Variants in PCDHGB1 observed in about 807,000 individuals in gnomAD.
PCDHGB1 encodes the protein protocadherin gamma subfamily B, 1, also known as protocadherin gamma-B1.
Under a neutral mutation model 56.6 loss-of-function variants are expected in PCDHGB1, and 34 were observed. The ratio of observed to expected loss-of-function variants is 0.60; its 90% CI spans 0.46 to 0.80. The LOEUF is 0.80. Ranked by LOEUF, PCDHGB1 falls within the 30% of genes least tolerant of loss-of-function variation. The pLI, the probability that PCDHGB1 is intolerant of heterozygous loss-of-function variation, is 0.00. For missense variants in PCDHGB1, 1,278 were observed against 1,204.6 expected, an observed-to-expected ratio of 1.06 and a Z score of -0.90; for synonymous variants, 561 against 505.9, an observed-to-expected ratio of 1.11 and a Z score of -1.46.
intron 1 of PCDHGB1, chr5:141,393,628 G>A: frequency 6.2e-7 from 1 of 1,613,922 alleles, no homozygotes; most frequent in African/African-American, 1.3e-5. Context: ...CCGGATGAGG[G>A]AATCAACGGA....
intron 1 of PCDHGB1, chr5:141,478,265 G>A: frequency 6.2e-7 from 1 of 1,614,196 alleles, no homozygotes; most frequent in African/African-American, 1.3e-5. Context: ...CATATTCAAA[G>A]TTTACAAGTG....
At chr5:141,390,533 A>G (rs1589127549) in intron 1 of PCDHGB1, 1 of 529,950 alleles carries the variant, frequency 1.9e-6, no homozygotes. Context: ...GTGTGGTTTT[A>G]ACCACAAAGT....
At chr5:141,478,711 T>G (rs1420376406) in intron 1 of PCDHGB1, 1 of 1,547,346 alleles carries the variant, frequency 6.5e-7, no homozygotes. Context: ...CTTTGTGAGA[T>G]GGTGGCCTGC....
chr5:141,427,890 G>T lies in PCDHGB1; in HGVS notation c.2410-66917G>T, dbSNP rs1438515062. 1.9e-6 allele frequency: 3 copies of T among 1,566,844 alleles called. No homozygotes were observed. In the South Asian group the frequency reaches 3.3e-5, roughly 17 times the overall value. Reference sequence around the variant, plus strand: ...GCTCACGATGCAGGCCCACGACCAGGGCTCGCCCGCGCTCAGCGCCAACAT... The same window carrying T: ...GCTCACGATGCAGGCCCACGACCAGTGCTCGCCCGCGCTCAGCGCCAACAT... On this transcript the variant is annotated intron_variant, in intron 1 of 3. Transcript: ENST00000523390.
At chr5:141,384,694 G>A (rs772190655) in intron 1 of PCDHGB1, 1 of 1,614,084 alleles carries the variant, frequency 6.2e-7, no homozygotes, top group Non-Finnish European at 8.5e-7. Context: ...CAAAGATTCA[G>A]GCCAGAACGC....
intron 1 of PCDHGB1, among the ~76,000 whole-genome samples, chr5:141,370,010 TAAC>T (rs1460058955): frequency 6.6e-6 from 1 of 152,172 alleles, no homozygotes; most frequent in African/African-American, 2.4e-5. Context: ...TTAAAAGAAA[TAAC>T]AGACTAAAGA....
At chr5:141,500,250 C>T (rs913074120) in intron 2 of PCDHGB1, among the ~76,000 whole-genome samples, 4 of 149,826 alleles carry the variant, frequency 2.7e-5, no homozygotes, top group African/African-American at 9.9e-5. Flanking sequence ...GCTCTGTCAC[C>T]CAGGCTGGAC....
intron 1 of PCDHGB1, 40 bp downstream of exon 1, chr5:141,352,709 G>C (rs768287553): frequency 1.9e-6 from 3 of 1,543,562 alleles, no homozygotes; most frequent in East Asian, 4.9e-5. Context: ...ATATATGGCG[G>C]CCGGGCGCGG....
chr5:141,458,340 G>C (rs4551132), intron 1 of PCDHGB1, among the ~76,000 whole-genome samples: 42,372 of 151,882 alleles, frequency 0.28, 6,646 homozygotes, highest in African/African-American at 0.43. Context: ...TTTAAGGAGT[G>C]GAGAGTTTAA....
chr5:141,437,371 A>C (rs887976412), intron 1 of PCDHGB1, among the ~76,000 whole-genome samples: 1 of 152,262 alleles, frequency 6.6e-6, no homozygotes, highest in African/African-American at 2.4e-5. Context: ...GAATGTAATC[A>C]GTCAGAAGAC....
At chr5:141,403,414 T>C (rs373392812) in intron 1 of PCDHGB1, 142 of 1,613,926 alleles carry the variant, frequency 8.8e-5, no homozygotes, top group Middle Eastern at 1.6e-4. Context: ...GTTATCCACT[T>C]CCAGAAGCTA....
Position 141,366,291 on chromosome 5 carries a change from T to C in PCDHGB1, c.2409+13622T>C, listed in dbSNP as rs768290200. 15 of 1,613,746 alleles carry C rather than the reference T, an allele frequency of 9.3e-6. No individual in the cohort carries two copies. The South Asian group carries it at 1.5e-4, about 17-fold the overall frequency. ...GTCGAAGACCATGGCCAGCCCCCTC[T>C]GTCAGCCACCTTCACGGTCACCGTT... On this transcript the variant is annotated intron_variant, in intron 1 of 3. Transcript: ENST00000523390.
Position 141,350,657 on chromosome 5 carries a change from A to G in PCDHGB1, c.397A>G (p.Lys133Glu), listed in dbSNP as rs1758532359. Reference sequence around the variant, plus strand: ...TGACAATGCACCACGTTTCGTTGCAAAAGGCATTGACTTAGAAATTTGTGA... The same window carrying G: ...TGACAATGCACCACGTTTCGTTGCAGAAGGCATTGACTTAGAAATTTGTGA... ...INDNAPRFVAKGIDLEICESA... is the reference protein window; with the variant it reads ...INDNAPRFVAEGIDLEICESA... The change falls in exon 1 of 4, where the codon AAA becomes GAA. Residue 133 changes from lysine to glutamate, a missense_variant. Transcript: ENST00000523390. 1 of 1,613,928 alleles carries G rather than the reference A, an allele frequency of 6.2e-7. No homozygotes were observed. The highest frequency in any genetic ancestry group is 1.7e-5 in the Admixed American group (1 of 60,012).
In PCDHGB1 at chr5:141,485,308, A is replaced by G; in HGVS notation, c.2410-9499A>G. On this transcript the variant is annotated intron_variant, in intron 1 of 3. Coordinates refer to ENST00000523390, the MANE Select transcript of PCDHGB1 (RefSeq NM_018922.3). The surrounding 1 kb of genome is among the most constrained non-coding windows in gnomAD (Gnocchi z 5.7). ...AGGAGTCACAGGAAGGGACTTTTGTAGGGAATGTCGCTCAAGATTTCCTGC... is the reference window on the plus strand; with the variant it reads ...AGGAGTCACAGGAAGGGACTTTTGTGGGGAATGTCGCTCAAGATTTCCTGC... 6.2e-7 allele frequency: 1 copy of G among 1,614,112 alleles called. No individual in the cohort carries two copies. The highest frequency in any genetic ancestry group is 8.5e-7 in the Non-Finnish European group (1 of 1,179,996).
chr5:141,393,898 C>T lies in PCDHGB1; in HGVS notation c.2409+41229C>T, dbSNP rs182092307. On this transcript the variant is annotated intron_variant, in intron 1 of 3. Transcript: ENST00000523390. ...AGCCCAGTGTTAGAAAATTCTCTTC[C>T]CGGGACAGTAATTGCCTTCTTGAGT... The T allele has an allele frequency of 3.0e-5, 49 of 1,613,956 alleles. No individual in the cohort carries two copies. The African/African-American group carries it at 5.1e-4, about 17-fold the overall frequency.
At chr5:141,407,497 G>GTTTTTTTTTTTTTTTTTTTTTTT (rs1554102286) in intron 1 of PCDHGB1, among the ~76,000 whole-genome samples, 2 of 152,088 alleles carry the variant, frequency 1.3e-5, no homozygotes, top group African/African-American at 4.8e-5. Context: ...CTTTATTTCT[G>GTTTTTTTTTTTTTTTTTTTTTTT]TTTTTCTTAG....
In PCDHGB1 at chr5:141,351,457, G is replaced by A. The variant is rs1461489650; in HGVS notation, c.1197G>A (p.Lys399=). 3 of 1,613,298 alleles carry A rather than the reference G, an allele frequency of 1.9e-6. No individual in the cohort carries two copies. The highest frequency in any genetic ancestry group is 2.2e-5 in the East Asian group (1 of 44,886). ...AATCCACCTCGAAGAATTATTACAA[G>A]CTGGTGATTGCTGGAGCCCTAAACC... ...KLESTSKNYY[K]LVIAGALNRE... The change falls in exon 1 of 4, where the codon AAG becomes AAA. Residue 399 remains lysine, a synonymous_variant. Coordinates refer to ENST00000523390, the MANE Select transcript of PCDHGB1 (RefSeq NM_018922.3).
chr5:141,352,786 T>C (rs1218044905), intron 1 of PCDHGB1, 117 bp downstream of exon 1: 1 of 1,064,362 alleles, frequency 9.4e-7, no homozygotes, highest in Non-Finnish European at 1.3e-6. Flanking sequence ...GGTCAGGAGT[T>C]TGAGACCAGC....
intron 1 of PCDHGB1, among the ~76,000 whole-genome samples, chr5:141,363,451 T>C (rs545023323): frequency 6.6e-6 from 1 of 152,378 alleles, no homozygotes; most frequent in Non-Finnish European, 1.5e-5. Context: ...TCAGTACTTC[T>C]CGACAAGTAT....
Sources: allele counts gnomAD v4.1 joint callset (sites outside exome capture counted in the v4.1 genomes callset), GRCh38; gene constraint gnomAD v4.1.1; non-coding constraint Gnocchi (gnomAD v3.1); transcripts MANE v1.5; gene names NCBI Gene and HGNC (gene_info 2026-07-23, HGNC 2026-07-21).